Variants in NVL observed in about 807,000 individuals in gnomAD.
NVL encodes nuclear valosin-containing protein-like.
A neutral mutation model predicts 110.2 loss-of-function variants in NVL; 84 were observed. The ratio of observed to expected loss-of-function variants is 0.76; its 90% CI spans 0.64 to 0.91. The LOEUF (loss-of-function observed/expected upper bound fraction) is 0.91. Ranked by LOEUF, NVL falls within the 40% of genes least tolerant of loss-of-function variation. NVL has a pLI of 0.00. For synonymous variants in NVL, 354 were observed against 361.1 expected (o/e 0.98, Z 0.22); for missense variants, 882 against 1,035.9 (o/e 0.85, Z 2.04).
At chr1:224,274,889 T>G (rs889346147) in intron 17 of NVL, among the ~76,000 whole-genome samples, 6 of 152,172 alleles carry the variant, frequency 3.9e-5, no homozygotes, top group African/African-American at 1.4e-4. Flanking sequence ...GGGTCTTTTT[T>G]TATCTTCATC....
intron 22 of NVL, among the ~76,000 whole-genome samples, chr1:224,230,052 G>A (rs1659700079): frequency 6.6e-6 from 1 of 152,012 alleles, no homozygotes; most frequent in Admixed American, 6.6e-5. Flanking sequence ...GGCTGATCTT[G>A]AACTCCTGGG....
At chr1:224,292,179 G>A (rs1667439166) in intron 12 of NVL, among the ~76,000 whole-genome samples, 1 of 152,126 alleles carries the variant, frequency 6.6e-6, no homozygotes, top group African/African-American at 2.4e-5. Context: ...GATATCCGGA[G>A]GATCACTTGA....
chr1:224,236,592 A>G lies in NVL; in HGVS notation c.2290-10T>C, dbSNP rs779986711. On this transcript the variant is annotated splice_polypyrimidine_tract_variant and intron_variant, in intron 19 of 22. Transcript: ENST00000281701. Reference sequence around the variant, plus strand: ...GTGGTTTGGTACCATTCTAAGTAAGAGAGAAAAATGATTTTTCATTGGAGC... The same window carrying G: ...GTGGTTTGGTACCATTCTAAGTAAGGGAGAAAAATGATTTTTCATTGGAGC... 4 of 1,609,438 alleles carry G rather than the reference A, an allele frequency of 2.5e-6. No homozygotes were observed. In the Admixed American group the frequency reaches 6.7e-5, roughly 27 times the overall value.
chr1:224,284,161 A>C (rs1571943439), intron 15 of NVL, among the ~76,000 whole-genome samples: 2 of 152,264 alleles, frequency 1.3e-5, no homozygotes, highest in East Asian at 3.9e-4. Context: ...AAAAGACAGA[A>C]ATTTGCCCAC....
chr1:224,310,178 CA>C (rs1230097656), intron 5 of NVL, among the ~76,000 whole-genome samples: 1,055 of 39,208 alleles, frequency 0.027, 7 homozygotes, highest in African/African-American at 0.087. Flanking sequence ...GACTCCCTCG[CA>C]AAAAAAAAAA....
chr1:224,239,420 T>C (rs906495149), intron 19 of NVL, among the ~76,000 whole-genome samples: 6 of 152,180 alleles, frequency 3.9e-5, no homozygotes, highest in Admixed American at 3.9e-4. Flanking sequence ...TTTCTTAAAA[T>C]GAAGACTAGC....
At chr1:224,243,756 G>A (rs1571802285) in intron 19 of NVL, among the ~76,000 whole-genome samples, 1 of 148,690 alleles carries the variant, frequency 6.7e-6, no homozygotes, top group African/African-American at 2.5e-5. Context: ...CCACCTCCCG[G>A]GTTCAAGAGA....
At chr1:224,281,325 G>C (rs116224866) in intron 15 of NVL, 140 bp from the exon 16 acceptor site, 14,718 of 685,946 alleles carry the variant, frequency 0.021, 233 homozygotes, top group South Asian at 0.035. Flanking sequence ...GATTTAGATG[G>C]AGTCTTGCTC....
intron 6 of NVL, 121 bp downstream of exon 6, chr1:224,307,870 C>A: frequency 1.2e-6 from 1 of 840,988 alleles, no homozygotes; most frequent in Non-Finnish European, 1.7e-6. Context: ...ATCAAATTCT[C>A]CATATATTTT....
intron 19 of NVL, among the ~76,000 whole-genome samples, chr1:224,238,142 TC>T (rs1660729355): frequency 6.6e-6 from 1 of 151,468 alleles, no homozygotes; most frequent in Admixed American, 6.6e-5. Context: ...CAAGCCATCC[TC>T]CCACCTCAGC....
At chr1:224,316,263 TAC>T (rs2102760653) in intron 4 of NVL, among the ~76,000 whole-genome samples, 1 of 152,224 alleles carries the variant, frequency 6.6e-6, no homozygotes, top group East Asian at 1.9e-4. Context: ...GAACTATTGA[TAC>T]ACACAACATT....
At chr1:224,263,454 T>G (rs1047071506) in intron 18 of NVL, among the ~76,000 whole-genome samples, 13 of 152,226 alleles carry the variant, frequency 8.5e-5, no homozygotes, top group Non-Finnish European at 4.4e-5. Flanking sequence ...TATTTTCATC[T>G]CCTTGAACAG....
At chr1:224,280,856 A>G (rs534813756) in intron 16 of NVL, among the ~76,000 whole-genome samples, 2 of 152,314 alleles carry the variant, frequency 1.3e-5, no homozygotes. Flanking sequence ...GTAGATCAGG[A>G]GTCAGACAAC....
At chr1:224,246,135 A>T (rs1661794397) in intron 19 of NVL, among the ~76,000 whole-genome samples, 1 of 151,962 alleles carries the variant, frequency 6.6e-6, no homozygotes, top group South Asian at 2.1e-4. Flanking sequence ...GTTCAAGCTA[A>T]TTCTCCTGCT....
At chr1:224,251,434 T>C (rs1662493876) in intron 18 of NVL, among the ~76,000 whole-genome samples, 1 of 152,090 alleles carries the variant, frequency 6.6e-6, no homozygotes, top group Non-Finnish European at 1.5e-5. Context: ...GGTCAGGAGT[T>C]TGAAACCAGC....
intron 17 of NVL, among the ~76,000 whole-genome samples, chr1:224,273,120 G>C (rs1380512243): frequency 6.6e-6 from 1 of 150,544 alleles, no homozygotes; most frequent in African/African-American, 2.4e-5. Flanking sequence ...GTATAGAAAT[G>C]TATGGCAGTA....
chr1:224,233,433 C>A, intron 20 of NVL, 144 bp from the exon 21 acceptor site: 1 of 572,174 alleles, frequency 1.7e-6, no homozygotes, highest in Non-Finnish European at 2.9e-6. Context: ...AATTGATTAT[C>A]AATCAATAGA....
At chr1:224,245,481 G>C (rs2102740729) in intron 19 of NVL, among the ~76,000 whole-genome samples, 1 of 152,336 alleles carries the variant, frequency 6.6e-6, no homozygotes, top group South Asian at 2.1e-4. Flanking sequence ...CTGCATGTGG[G>C]TCCTGCTCCT....
intron 19 of NVL, among the ~76,000 whole-genome samples, chr1:224,236,832 G>A (rs567366585): frequency 6.6e-6 from 1 of 152,174 alleles, no homozygotes; most frequent in East Asian, 1.9e-4. Flanking sequence ...AATTGCTCAA[G>A]CCCTGGAGGT....
Sources: allele counts gnomAD v4.1 joint callset (sites outside exome capture counted in the v4.1 genomes callset), GRCh38; gene constraint gnomAD v4.1.1; transcripts MANE v1.5; gene names NCBI Gene and HGNC (gene_info 2026-07-23, HGNC 2026-07-21).